Variants in KCNQ1OT1 observed in about 807,000 individuals in gnomAD.
KCNQ1OT1 encodes the protein KCNQ1 opposite strand/antisense transcript 1.
chr11:2,624,306 A>G lies in KCNQ1OT1; in HGVS notation n.75689T>C. 2.5e-6 allele frequency: 1 copy of G among 398,490 alleles called. No homozygotes were observed. Among genetic ancestry groups the G allele is most frequent in the African/African-American group, 2.1e-5 (1 of 48,738 alleles). 24.7% of individuals were successfully genotyped at this position (398,490 alleles called of 1,614,324 possible). A position where few individuals can be genotyped will look rare whatever the true frequency, so the allele number is the denominator to read the frequency against. ...GTTATGTTTTTAAGGTTCTTTATAT[A>G]TTTTGGATGAGTCCTTTATCAGGTA... On this transcript the variant is annotated non_coding_transcript_exon_variant, in exon 1 of 1. Coordinates refer to ENST00000597346, the Ensembl canonical transcript of KCNQ1OT1. The surrounding 1 kb of genome is among the most constrained non-coding windows in gnomAD (Gnocchi z 4.9).
At chr11:2,650,944 T>C (rs544529006) in exon 1 of KCNQ1OT1, 389 of 398,328 alleles carry the variant, frequency 9.8e-4, no homozygotes, top group Non-Finnish European at 6.9e-4. Flanking sequence ...TATCCTTTTT[T>C]CTTAGTACCC....
At chr11:2,630,508 C>A (rs1849335884) in exon 1 of KCNQ1OT1, 1 of 398,046 alleles carries the variant, frequency 2.5e-6, no homozygotes. Flanking sequence ...ATTTTTGATG[C>A]CCCAAGGTAC....
At chr11:2,686,199 C>G in exon 1 of KCNQ1OT1, 2 of 398,820 alleles carry the variant, frequency 5.0e-6, no homozygotes, top group Non-Finnish European at 8.8e-6. Flanking sequence ...CTGCCCAAAA[C>G]CCTGCTCCAA....
Position 2,645,857 on chromosome 11 carries a change from T to C in KCNQ1OT1, n.54138A>G, listed in dbSNP as rs538358280. Reference sequence around the variant, plus strand: ...CCTGAGGATTCAGGGGATGTGTGAATTGCCTGAGGATTCAGGGTGATCTCC... The same window carrying C: ...CCTGAGGATTCAGGGGATGTGTGAACTGCCTGAGGATTCAGGGTGATCTCC... On this transcript the variant is annotated non_coding_transcript_exon_variant, in exon 1 of 1. Transcript: ENST00000597346. The surrounding 1 kb of genome is among the most constrained non-coding windows in gnomAD (Gnocchi z 5.8). 35 of 397,912 alleles carry C rather than the reference T, an allele frequency of 8.8e-5. 2 individuals are homozygous for C. The South Asian group carries it at 4.3e-3, about 49-fold the overall frequency. The allele number at this position is 397,912 out of a possible 1,614,324, so 24.6% of individuals were successfully genotyped here.
Position 2,654,964 on chromosome 11 carries a change from T to C in KCNQ1OT1, n.45031A>G, listed in dbSNP as rs773729660. ...CTTCCACAAATTATTGTTTCTTGACTTGGAAAAGTATCATGCAAAATAGAA... is the reference window on the plus strand; with the variant it reads ...CTTCCACAAATTATTGTTTCTTGACCTGGAAAAGTATCATGCAAAATAGAA... On this transcript the variant is annotated non_coding_transcript_exon_variant, in exon 1 of 1. Transcript: ENST00000597346. This position sits in a 1 kb window ranked among gnomAD's most constrained non-coding sequence, Gnocchi z 6.4. 9 of 398,468 alleles carry C rather than the reference T, an allele frequency of 2.3e-5. No homozygotes were observed. The highest frequency in any genetic ancestry group is 4.4e-5 in the Admixed American group (1 of 22,712). 24.7% of individuals were successfully genotyped at this position (398,468 alleles called of 1,614,324 possible). A position where few individuals can be genotyped will look rare whatever the true frequency, so the allele number is the denominator to read the frequency against.
Position 2,691,976 on chromosome 11 carries a change from C to T in KCNQ1OT1, n.8019G>A. ...ATGCCAGTGCCTTTCTCTATGCAAA[C>T]CATTTCCCTAAGCTGTTCCCTCAGC... is the stretch of plus-strand genomic sequence containing the variant. On this transcript the variant is annotated non_coding_transcript_exon_variant, in exon 1 of 1. Transcript: ENST00000597346. The surrounding 1 kb of genome is among the most constrained non-coding windows in gnomAD (Gnocchi z 6.4). The T allele has an allele frequency of 2.5e-6, 1 of 398,668 alleles. No individual in the cohort carries two copies. The highest frequency in any genetic ancestry group is 4.4e-6 in the Non-Finnish European group (1 of 226,094). 24.7% of individuals were successfully genotyped at this position (398,668 alleles called of 1,614,324 possible).
chr11:2,661,596 C>A lies in KCNQ1OT1; in HGVS notation n.38399G>T. The A allele has an allele frequency of 1.8e-6, 1 of 571,090 alleles. No individual in the cohort carries two copies. Among genetic ancestry groups the A allele is most frequent in the Admixed American group, 3.0e-5 (1 of 32,878 alleles). The allele number at this position is 571,090 out of a possible 1,614,324, so 35.4% of individuals were successfully genotyped here. A position where few individuals can be genotyped will look rare whatever the true frequency, so the allele number is the denominator to read the frequency against. ...TGGTGGTGGGAGCTGTTGTCCCTTA[C>A]CAGGCCTGTGCCTGTCACCTCTGTT... On this transcript the variant is annotated non_coding_transcript_exon_variant, in exon 1 of 1. Transcript: ENST00000597346. This position sits in a 1 kb window ranked among gnomAD's most constrained non-coding sequence, Gnocchi z 5.9.
chr11:2,649,167 G>T (rs2133840542), exon 1 of KCNQ1OT1: 4 of 397,754 alleles, frequency 1.0e-5, no homozygotes, highest in Non-Finnish European at 1.8e-5. Flanking sequence ...AATTCATTTA[G>T]CCAGTATCTA....
exon 1 of KCNQ1OT1, chr11:2,684,931 C>G (rs975247200): frequency 2.5e-6 from 1 of 398,562 alleles, no homozygotes; most frequent in African/African-American, 2.1e-5. Context: ...CTGATCCATG[C>G]AGCATGTTAT....
exon 1 of KCNQ1OT1, chr11:2,625,867 C>G: frequency 5.0e-6 from 2 of 398,688 alleles, no homozygotes; most frequent in Non-Finnish European, 8.8e-6. Context: ...CCGTGCCTGG[C>G]CCTTTTGCCC....
chr11:2,655,379 G>A (rs1590009996), exon 1 of KCNQ1OT1: 1 of 398,692 alleles, frequency 2.5e-6, no homozygotes, highest in East Asian at 3.6e-5. Flanking sequence ...TTAGGAAAGT[G>A]TGACTTCATT....
exon 1 of KCNQ1OT1, chr11:2,685,219 G>A (rs1311793230): frequency 1.8e-5 from 7 of 398,494 alleles, no homozygotes; most frequent in African/African-American, 6.2e-5. Flanking sequence ...GCTCACACAC[G>A]GAGGCACTAC....
rs11023831 is a variant in KCNQ1OT1 at position 2,695,821 on chromosome 11, A to T, written n.4174T>A. On this transcript the variant is annotated non_coding_transcript_exon_variant, in exon 1 of 1. Coordinates refer to ENST00000597346, the Ensembl canonical transcript of KCNQ1OT1. This position sits in a 1 kb window ranked among gnomAD's most constrained non-coding sequence, Gnocchi z 5.2. ...AAGAATAGCTGTTGCTTTCATTTAC[A>T]TTTCTCTGATAACTGATTAGCTTGG... The T allele has an allele frequency of 0.095, 37,894 of 398,348 alleles. 2,188 individuals are homozygous for T. Among genetic ancestry groups the T allele is most frequent in the African/African-American group, 0.15 (7,137 of 48,632 alleles). The allele number at this position is 398,348 out of a possible 1,614,324, so 24.7% of individuals were successfully genotyped here.
At position 2,627,578 on chromosome 11, in the gene KCNQ1OT1, A is replaced by G; in HGVS notation, n.72417T>C. 1 of 398,310 alleles carries G rather than the reference A, an allele frequency of 2.5e-6. No individual in the cohort carries two copies. The highest frequency in any genetic ancestry group is 3.6e-5 in the East Asian group (1 of 28,066). 24.7% of individuals were successfully genotyped at this position (398,310 alleles called of 1,614,324 possible). ...TTGTCTTTCTGTGTCTGGCTATTTCACTTAGCATAATATCCTCCAGGTTCA... is the reference window on the plus strand; with the variant it reads ...TTGTCTTTCTGTGTCTGGCTATTTCGCTTAGCATAATATCCTCCAGGTTCA... On this transcript the variant is annotated non_coding_transcript_exon_variant, in exon 1 of 1. Transcript: ENST00000597346. This position sits in a 1 kb window ranked among gnomAD's most constrained non-coding sequence, Gnocchi z 4.9.
At position 2,676,127 on chromosome 11, in the gene KCNQ1OT1, A is replaced by G. The variant is rs553024494; in HGVS notation, n.23868T>C. On this transcript the variant is annotated non_coding_transcript_exon_variant, in exon 1 of 1. Coordinates refer to ENST00000597346, the Ensembl canonical transcript of KCNQ1OT1. The surrounding 1 kb of genome is among the most constrained non-coding windows in gnomAD (Gnocchi z 4.2). ...TACTTAGTAGATACGGCTCCTTTTT[A>G]TACAAATGGTAGCATACTGTATGTA... The G allele has an allele frequency of 5.0e-6, 2 of 398,626 alleles. No individual in the cohort carries two copies. Among genetic ancestry groups the G allele is most frequent in the Non-Finnish European group, 8.8e-6 (2 of 226,080 alleles). The allele number at this position is 398,626 out of a possible 1,614,324, so 24.7% of individuals were successfully genotyped here. A position where few individuals can be genotyped will look rare whatever the true frequency, so the allele number is the denominator to read the frequency against.
At position 2,673,949 on chromosome 11, in the gene KCNQ1OT1, G is replaced by A; in HGVS notation, n.26046C>T. The A allele has an allele frequency of 7.0e-6, 1 of 143,496 alleles. No homozygotes were observed. Among genetic ancestry groups the A allele is most frequent in the Non-Finnish European group, 1.5e-5 (1 of 65,798 alleles). 8.9% of individuals were successfully genotyped at this position (143,496 alleles called of 1,614,324 possible). On this transcript the variant is annotated non_coding_transcript_exon_variant, in exon 1 of 1. Coordinates refer to ENST00000597346, the Ensembl canonical transcript of KCNQ1OT1. The surrounding 1 kb of genome is among the most constrained non-coding windows in gnomAD (Gnocchi z 4.5). ...GGAGTGTGTCTCTTTCCCCATGAGTGACAGCAGCCACAAGGGGATGCCCAG... is the reference window on the plus strand; with the variant it reads ...GGAGTGTGTCTCTTTCCCCATGAGTAACAGCAGCCACAAGGGGATGCCCAG...
At chr11:2,634,139 T>TTTC (rs1164623767) in exon 1 of KCNQ1OT1, 8 of 397,764 alleles carry the variant, frequency 2.0e-5, no homozygotes, top group Non-Finnish European at 3.1e-5. Flanking sequence ...TTTGGTATTT[T>TTTC]TTTTTTTTTA....
rs1394249737 is a variant in KCNQ1OT1, at chr11:2,673,583, T to C, written n.26412A>G. 1.5e-5 allele frequency: 6 copies of C among 398,628 alleles called. No homozygotes were observed. Among genetic ancestry groups the C allele is most frequent in the Non-Finnish European group, 2.7e-5 (6 of 226,144 alleles). 24.7% of individuals were successfully genotyped at this position (398,628 alleles called of 1,614,324 possible). On this transcript the variant is annotated non_coding_transcript_exon_variant, in exon 1 of 1. Transcript: ENST00000597346. The surrounding 1 kb of genome is among the most constrained non-coding windows in gnomAD (Gnocchi z 4.5). ...CATGCAGGTGGAAGACCCTATTACTTGGGCTAAAGAGAAGCTAAACGTGAC... is the reference window on the plus strand; with the variant it reads ...CATGCAGGTGGAAGACCCTATTACTCGGGCTAAAGAGAAGCTAAACGTGAC...
In KCNQ1OT1 at chr11:2,679,399, T is replaced by A. The variant is rs1420154569; in HGVS notation, n.20596A>T. The A allele has an allele frequency of 2.5e-6, 1 of 398,508 alleles. No individual in the cohort carries two copies. Among genetic ancestry groups the A allele is most frequent in the East Asian group, 3.6e-5 (1 of 28,098 alleles). The allele number at this position is 398,508 out of a possible 1,614,324, so 24.7% of individuals were successfully genotyped here. ...AGTCTCAGTTTCTTTATTTGTAAAA[T>A]GGGAATCATAAGAGTACCTTCCTCA... On this transcript the variant is annotated non_coding_transcript_exon_variant, in exon 1 of 1. Coordinates refer to ENST00000597346, the Ensembl canonical transcript of KCNQ1OT1. This position sits in a 1 kb window ranked among gnomAD's most constrained non-coding sequence, Gnocchi z 4.8.
Sources: allele counts gnomAD v4.1 joint callset, GRCh38; gene constraint gnomAD v4.1.1; non-coding constraint Gnocchi (gnomAD v3.1); transcripts MANE v1.5; gene names NCBI Gene and HGNC (gene_info 2026-07-23, HGNC 2026-07-21).